Variants in SLC16A10 observed in about 807,000 individuals in gnomAD.
SLC16A10 encodes the protein solute carrier family 16 member 10, also known as monocarboxylate transporter 10.
SLC16A10 carries 27 observed loss-of-function variants against 40.0 expected under a neutral mutation model. The ratio of observed to expected loss-of-function variants is 0.67; its 90% CI spans 0.50 to 0.93. SLC16A10 has a LOEUF of 0.93. Among genes scored for constraint, SLC16A10 ranks in the 40% least tolerant of loss-of-function variants. SLC16A10 has a pLI of 0.00. For missense variants in SLC16A10, 529 were observed against 658.2 expected (o/e 0.80, Z 2.15); for synonymous variants, 213 against 249.8 (o/e 0.85, Z 1.39).
At chr6:111,134,631 G>C (rs1771844498) in intron 1 of SLC16A10, among the ~76,000 whole-genome samples, 1 of 152,142 alleles carries the variant, frequency 6.6e-6, no homozygotes, top group Non-Finnish European at 1.5e-5. Context: ...AAAGGGAAAA[G>C]CTGGGCAAAT....
intron 1 of SLC16A10, among the ~76,000 whole-genome samples, chr6:111,095,446 A>T (rs1312629030): frequency 6.6e-6 from 1 of 152,244 alleles, no homozygotes; most frequent in East Asian, 1.9e-4. Flanking sequence ...GTTACAAATT[A>T]TGTTTAAAGT....
rs1338547472 is a variant in SLC16A10 at position 111,206,725 on chromosome 6, T to C, written c.1076T>C (p.Val359Ala). 6 of 1,613,804 alleles carry C rather than the reference T, an allele frequency of 3.7e-6. No homozygotes were observed. Among genetic ancestry groups the C allele is most frequent in the South Asian group, 3.3e-5 (3 of 90,894 alleles). Residue 359 changes from valine to alanine, a missense_variant, in exon 4 of 6, where the codon GTT (valine) becomes GCT (alanine). Coordinates refer to ENST00000368851, the MANE Select transcript of SLC16A10 (RefSeq NM_018593.5). ...GATTATGTGCCTGGTGTGAAGAAGG[T>C]TTATCTACAGGTACTTTTTTACACC... ...IADYVPGVKK[V>A]YLQVLSFFFI... is the part of the protein sequence containing the mutation.
At chr6:111,097,607 C>G (rs1281892435) in intron 1 of SLC16A10, among the ~76,000 whole-genome samples, 1 of 152,170 alleles carries the variant, frequency 6.6e-6, no homozygotes, top group South Asian at 2.1e-4. Context: ...AGCCACCATG[C>G]CCGGCCAAGC....
At chr6:111,179,031 T>G (rs1452805694) in intron 3 of SLC16A10, among the ~76,000 whole-genome samples, 1 of 152,172 alleles carries the variant, frequency 6.6e-6, no homozygotes, top group Non-Finnish European at 1.5e-5. Flanking sequence ...TTTTTTTTCT[T>G]TTTTCCAGAC....
At chr6:111,123,665 T>C (rs1479659506) in intron 1 of SLC16A10, among the ~76,000 whole-genome samples, 8 of 152,210 alleles carry the variant, frequency 5.3e-5, no homozygotes, top group Non-Finnish European at 8.8e-5. Flanking sequence ...AGTAATATTC[T>C]GATGTAGGTC....
intron 3 of SLC16A10, chr6:111,178,263 G>A (rs1367008363): frequency 4.6e-6 from 2 of 436,838 alleles, no homozygotes; most frequent in Non-Finnish European, 9.2e-6. Flanking sequence ...GTACACTTCT[G>A]GGAAAATGGG....
At chr6:111,092,130 T>C (rs1770986373) in intron 1 of SLC16A10, among the ~76,000 whole-genome samples, 1 of 151,980 alleles carries the variant, frequency 6.6e-6, no homozygotes, top group African/African-American at 2.4e-5. Flanking sequence ...TTGGTGAAAT[T>C]AAGACTTTGG....
At chr6:111,121,325 G>A (rs1035332964) in intron 1 of SLC16A10, among the ~76,000 whole-genome samples, 1 of 152,224 alleles carries the variant, frequency 6.6e-6, no homozygotes. Context: ...ACTTTGGGGG[G>A]CTGAGTTGGG....
At chr6:111,161,300 G>T (rs1480190495) in intron 1 of SLC16A10, among the ~76,000 whole-genome samples, 1 of 148,248 alleles carries the variant, frequency 6.7e-6, no homozygotes, top group Non-Finnish European at 1.5e-5. Context: ...TCAGAGGAAA[G>T]CATGCCAAAT....
intron 1 of SLC16A10, among the ~76,000 whole-genome samples, chr6:111,149,831 A>G (rs1202159868): frequency 6.6e-6 from 1 of 152,162 alleles, no homozygotes; most frequent in Non-Finnish European, 1.5e-5. Context: ...TCATCTCTTA[A>G]TGTAGGCTAT....
intron 3 of SLC16A10, among the ~76,000 whole-genome samples, chr6:111,187,735 A>G (rs1019331891): frequency 2.0e-4 from 30 of 152,302 alleles, no homozygotes; most frequent in African/African-American, 7.0e-4. Context: ...TCATTTCCCA[A>G]TCAGGAGGTT....
intron 4 of SLC16A10, among the ~76,000 whole-genome samples, chr6:111,210,717 CAGG>C: frequency 6.6e-6 from 1 of 152,164 alleles, no homozygotes; most frequent in East Asian, 1.9e-4. Flanking sequence ...CCTTGAAAGC[CAGG>C]ATGAAGAGAC....
chr6:111,192,786 C>G (rs976641191), intron 3 of SLC16A10, among the ~76,000 whole-genome samples: 4 of 152,098 alleles, frequency 2.6e-5, no homozygotes, highest in Non-Finnish European at 5.9e-5. Context: ...AGGAACTGCC[C>G]TTTATGAAAC....
At chr6:111,104,186 T>C (rs1771240545) in intron 1 of SLC16A10, among the ~76,000 whole-genome samples, 1 of 152,184 alleles carries the variant, frequency 6.6e-6, no homozygotes, top group South Asian at 2.1e-4. Flanking sequence ...CATTATTTAA[T>C]AGAGGCAATG....
chr6:111,110,369 G>A lies in SLC16A10; in HGVS notation c.343+22274G>A, dbSNP rs775116672. Among the ~76,000 whole-genome samples the A allele has an allele frequency of 4.0e-5, 6 of 150,204 alleles. No individual in the cohort carries two copies. The South Asian group carries it at 1.3e-3, about 32-fold the overall frequency. ...ACAATTTTTTTTTTTTTTGAAGATA[G>A]GAGTAGCTTGAGAACTAACTTAAAG... On this transcript the variant is annotated intron_variant, in intron 1 of 5. Transcript: ENST00000368851.
At chr6:111,172,976 A>G in intron 2 of SLC16A10, 137 bp downstream of exon 2, 1 of 1,107,318 alleles carries the variant, frequency 9.0e-7, no homozygotes, top group South Asian at 1.7e-5. Context: ...GACTTATAAA[A>G]CAAACTGTTA....
At chr6:111,208,819 G>A (rs912610095) in intron 4 of SLC16A10, among the ~76,000 whole-genome samples, 1 of 152,148 alleles carries the variant, frequency 6.6e-6, no homozygotes, top group African/African-American at 2.4e-5. Flanking sequence ...TAATGAAAAT[G>A]TTATAAAATT....
chr6:111,090,089 G>A (rs1283949493), intron 1 of SLC16A10, among the ~76,000 whole-genome samples: 2 of 151,802 alleles, frequency 1.3e-5, no homozygotes, highest in Admixed American at 1.3e-4. Flanking sequence ...CTGAGAGTGA[G>A]GGAAGGAACC....
Position 111,175,973 on chromosome 6 carries a change from G to A in SLC16A10, c.489-1239G>A, listed in dbSNP as rs148894920. Among the ~76,000 whole-genome samples the A allele has an allele frequency of 7.6e-3, 1,151 of 152,222 alleles. 5 individuals are homozygous for A. Among genetic ancestry groups the A allele is most frequent in the Non-Finnish European group, 0.012 (826 of 68,012 alleles). ...GCCACCCAAAGTGTTGGGATTACAG[G>A]TGTGAGCCACCACGTCTGGCCAAGG... On this transcript the variant is annotated intron_variant, in intron 2 of 5. Transcript: ENST00000368851.
Sources: gnomAD v4.1 joint callset for allele counts (sites outside exome capture counted in the v4.1 genomes callset) on GRCh38, gnomAD v4.1.1 for gene constraint, MANE v1.5 for transcripts, NCBI Gene and HGNC (gene_info 2026-07-23, HGNC 2026-07-21) for gene names.